Variants in CREB5 observed in about 807,000 individuals in gnomAD.
CREB5 encodes the protein cyclic AMP-responsive element-binding protein 5.
Under a neutral mutation model 57.1 loss-of-function variants are expected in CREB5, and 19 were observed. The observed-to-expected ratio is 0.33, with a 90% CI of 0.23 to 0.49. The LOEUF is 0.49. Ranked by LOEUF, CREB5 falls within the 20% of genes least tolerant of loss-of-function variation. The pLI is 0.99. For synonymous variants in CREB5, 238 were observed against 238.3 expected, an observed-to-expected ratio of 1.00 and a Z score of 0.01; for missense variants, 579 against 671.6, an observed-to-expected ratio of 0.86 and a Z score of 1.52.
At chr7:28,684,252 A>T (rs75859231) in intron 5 of CREB5, among the ~76,000 whole-genome samples, 1,998 of 152,340 alleles carry the variant, frequency 0.013, 28 homozygotes, top group East Asian at 0.051. Context: ...ACCAAACTTT[A>T]TAACAACCAC....
rs75189847 is a variant in CREB5, at chr7:28,627,371, C to T, written c.464+56834C>T. 3.3e-5 allele frequency among the ~76,000 whole-genome samples: 5 copies of T among 152,180 alleles called. No homozygotes were observed. The East Asian group carries it at 9.7e-4, about 29-fold the overall frequency. On this transcript the variant is annotated intron_variant, in intron 5 of 10. Coordinates refer to ENST00000357727, the MANE Select transcript of CREB5 (RefSeq NM_182898.4). Reference sequence around the variant, plus strand: ...TGAAAGAGTGGCTCAGCCCTGGCTACCTGTTGCTCTCACTTGGGAGCTTTA... The same window carrying T: ...TGAAAGAGTGGCTCAGCCCTGGCTATCTGTTGCTCTCACTTGGGAGCTTTA...
chr7:28,459,035 C>T (rs901403023), intron 1 of CREB5, among the ~76,000 whole-genome samples: 3 of 152,198 alleles, frequency 2.0e-5, no homozygotes, highest in Non-Finnish European at 4.4e-5. Context: ...CACACCCTGT[C>T]GCTTTCCCTG....
intron 5 of CREB5, among the ~76,000 whole-genome samples, chr7:28,597,374 A>G (rs746498500): frequency 5.3e-5 from 8 of 152,156 alleles, no homozygotes; most frequent in Non-Finnish European, 1.0e-4. Flanking sequence ...GGTCTCACTT[A>G]TTCTGCCACA....
At chr7:28,793,695 G>T (rs1435071661) in intron 7 of CREB5, among the ~76,000 whole-genome samples, 1 of 152,220 alleles carries the variant, frequency 6.6e-6, no homozygotes, top group Non-Finnish European at 1.5e-5. Context: ...AGAGAGCTGG[G>T]TGATGTGGCA....
intron 5 of CREB5, among the ~76,000 whole-genome samples, chr7:28,679,535 G>A (rs776996769): frequency 1.3e-5 from 2 of 152,142 alleles, no homozygotes; most frequent in Admixed American, 6.5e-5. Context: ...CTTAGGACCC[G>A]AGGGAAGTGG....
At position 28,819,083 on chromosome 7, in the gene CREB5, ATGTGTGTGTG is replaced by A. The variant is rs746514385; in HGVS notation, c.1364-31_1364-22del. The A allele has an allele frequency of 1.9e-6, 3 of 1,597,532 alleles. No individual in the cohort carries two copies. In the East Asian group the frequency reaches 6.7e-5, roughly 36 times the overall value. On this transcript the variant is annotated intron_variant, in intron 10 of 10. Transcript: ENST00000357727. ...AAAAGACCTATATTGGTGTGTGTGTATGTGTGTGTGTTGTCTTTTTTTTTCTCCCTAGGTC... is the reference window on the plus strand; with the variant it reads ...AAAAGACCTATATTGGTGTGTGTGTATTGTCTTTTTTTTTCTCCCTAGGTC...
intron 7 of CREB5, among the ~76,000 whole-genome samples, chr7:28,770,870 G>T (rs1171660067): frequency 6.6e-6 from 1 of 152,206 alleles, no homozygotes. Context: ...GCAGCATGGT[G>T]ACTACAGTTA....
intron 4 of CREB5, among the ~76,000 whole-genome samples, chr7:28,566,595 T>C (rs939714606): frequency 6.6e-6 from 1 of 152,358 alleles, no homozygotes; most frequent in Admixed American, 6.5e-5. Context: ...AAGACAGGTT[T>C]TGAACCCATA....
At chr7:28,706,894 T>C (rs1182404659) in intron 5 of CREB5, among the ~76,000 whole-genome samples, 1 of 152,084 alleles carries the variant, frequency 6.6e-6, no homozygotes. Flanking sequence ...GGATGTGACA[T>C]AGGGGTATAG....
intron 1 of CREB5, among the ~76,000 whole-genome samples, chr7:28,438,367 G>C (rs891247367): frequency 2.6e-5 from 4 of 152,090 alleles, no homozygotes; most frequent in Non-Finnish European, 2.9e-5. Flanking sequence ...CTGTCAAAGG[G>C]GGGTGTCGGG....
intron 1 of CREB5, among the ~76,000 whole-genome samples, chr7:28,338,697 T>C (rs1433966808): frequency 6.6e-5 from 10 of 152,280 alleles, no homozygotes; most frequent in Non-Finnish European, 1.3e-4. Context: ...ATTATTGCTT[T>C]GAATAAACTT....
intron 4 of CREB5, among the ~76,000 whole-genome samples, chr7:28,561,007 T>TGTGTGCGTGCGTGCGTGTGTGTGC (rs1562798492): frequency 2.3e-5 from 1 of 44,068 alleles, no homozygotes; most frequent in Non-Finnish European, 4.2e-5. Context: ...TGCGTGTGCG[T>TGTGTGCGTGCGTGCGTGTGTGTGC]GTGTGTGTGC....
chr7:28,783,364 T>G (rs1807103496), intron 7 of CREB5, among the ~76,000 whole-genome samples: 1 of 152,226 alleles, frequency 6.6e-6, no homozygotes, highest in Non-Finnish European at 1.5e-5. Context: ...CCATTTTTTT[T>G]GTCCACAATG....
chr7:28,349,147 G>A (rs1360306971), intron 1 of CREB5, among the ~76,000 whole-genome samples: 1 of 152,174 alleles, frequency 6.6e-6, no homozygotes. Context: ...CATCAGTGAT[G>A]CCTGGGTGGA....
intron 5 of CREB5, among the ~76,000 whole-genome samples, chr7:28,709,356 T>G (rs1311153841): frequency 6.6e-6 from 1 of 152,072 alleles, no homozygotes; most frequent in Admixed American, 6.6e-5. Flanking sequence ...AATAGTACAT[T>G]AGAAACCAAT....
At chr7:28,679,052 C>CTTTTTTTTTTTTTTTTTTTTT (rs56266854) in intron 5 of CREB5, among the ~76,000 whole-genome samples, 2 of 123,864 alleles carry the variant, frequency 1.6e-5, no homozygotes, top group Non-Finnish European at 3.3e-5. Flanking sequence ...TTTTGTAGTT[C>CTTTTTTTTTTTTTTTTTTTTT]TTTTTTTTTT....
intron 7 of CREB5, among the ~76,000 whole-genome samples, chr7:28,803,697 A>C (rs1808506732): frequency 1.3e-5 from 2 of 148,996 alleles, no homozygotes; most frequent in African/African-American, 5.0e-5. Context: ...CGGAGGTTGC[A>C]GTGAGCCGAG....
chr7:28,714,437 T>C (rs1420292226), intron 5 of CREB5, among the ~76,000 whole-genome samples: 1 of 152,192 alleles, frequency 6.6e-6, no homozygotes, highest in African/African-American at 2.4e-5. Flanking sequence ...ACAGATCTTC[T>C]GAAGACCTGA....
intron 7 of CREB5, among the ~76,000 whole-genome samples, chr7:28,777,856 A>G (rs1806750772): frequency 6.6e-6 from 1 of 152,228 alleles, no homozygotes; most frequent in African/African-American, 2.4e-5. Context: ...AGAAAATAAA[A>G]ATAATAGTAA....
Sources: gnomAD v4.1 joint callset for allele counts (sites outside exome capture counted in the v4.1 genomes callset) on GRCh38, gnomAD v4.1.1 for gene constraint, MANE v1.5 for transcripts, NCBI Gene and HGNC (gene_info 2026-07-23, HGNC 2026-07-21) for gene names.